PPP1CB: variants seen among roughly 807,000 people sequenced by gnomAD.
PPP1CB encodes serine/threonine-protein phosphatase PP1-beta catalytic subunit.
Under a neutral mutation model 43.7 loss-of-function variants are expected in PPP1CB, and 2 were observed. The observed-to-expected ratio is 0.05, with a 90% CI of 0.02 to 0.14. The LOEUF (loss-of-function observed/expected upper bound fraction) is 0.14, where lower values mean the gene tolerates loss of function less well. Ranked by LOEUF, PPP1CB falls within the 10% of genes least tolerant of loss-of-function variation. The probability of loss-of-function intolerance (pLI) is 1.00; values close to 1 mark genes in which losing one functional copy is unlikely to be tolerated. For synonymous variants in PPP1CB, 136 were observed against 135.6 expected (o/e 1.00, Z -0.02); for missense variants, 84 against 398.0 (o/e 0.21, Z 6.71).
chr2:28,760,001 C>T (rs1007342262), intron 1 of PPP1CB, among the ~76,000 whole-genome samples: 9 of 152,194 alleles, frequency 5.9e-5, no homozygotes, highest in East Asian at 1.9e-4. Context: ...AAAAAAGCTT[C>T]GTTATCCTGG....
chr2:28,778,672 T>G, intron 2 of PPP1CB, 137 bp from the exon 3 acceptor site: 1 of 610,584 alleles, frequency 1.6e-6, no homozygotes, highest in Non-Finnish European at 2.9e-6. Context: ...TTTCGCTTAT[T>G]AGAAGTAAGT....
intron 4 of PPP1CB, among the ~76,000 whole-genome samples, chr2:28,783,066 T>C (rs1667190065): frequency 6.6e-6 from 1 of 152,220 alleles, no homozygotes; most frequent in Non-Finnish European, 1.5e-5. Flanking sequence ...AAATAATAGC[T>C]TATATACCAC....
At position 28,802,678 on chromosome 2, in the gene PPP1CB, T is replaced by C. The variant is rs1667647242; in HGVS notation, c.*3375T>C. 1.3e-5 allele frequency: 2 copies of C among 152,234 alleles called. No individual in the cohort carries two copies. The allele number at this position is 152,234 out of a possible 1,614,324, so 9.4% of individuals were successfully genotyped here. ...TCTTAAAAGTGAAACTTAGATACAA[T>C]TGTGATTGGATACTTAGATACTAAG... On this transcript the variant is annotated 3_prime_UTR_variant, in exon 8 of 8. Coordinates refer to ENST00000395366, the MANE Select transcript of PPP1CB (RefSeq NM_002709.3).
chr2:28,796,687 G>C (rs1200103514), intron 7 of PPP1CB, among the ~76,000 whole-genome samples: 1 of 152,106 alleles, frequency 6.6e-6, no homozygotes, highest in East Asian at 1.9e-4. Context: ...CGGAGTCTAT[G>C]GGGTTTTCTG....
Position 28,802,104 on chromosome 2 carries a change from G to A in PPP1CB, c.*2801G>A, listed in dbSNP as rs1344757077. The A allele has an allele frequency of 6.6e-6, 1 of 152,088 alleles. No individual in the cohort carries two copies. The highest frequency in any genetic ancestry group is 1.5e-5 in the Non-Finnish European group (1 of 68,028). The allele number at this position is 152,088 out of a possible 1,614,324, so 9.4% of individuals were successfully genotyped here. The stretch of plus-strand genomic sequence containing the variant: ...AGAATTTTAAAGCTTAAAATAGGTG[G>A]TAAATTTGAAGTATGAGTGTGTTCA... On this transcript the variant is annotated 3_prime_UTR_variant, in exon 8 of 8. Coordinates refer to ENST00000395366, the MANE Select transcript of PPP1CB (RefSeq NM_002709.3).
At chr2:28,797,846 A>G (rs1210888370) in intron 7 of PPP1CB, among the ~76,000 whole-genome samples, 1 of 152,150 alleles carries the variant, frequency 6.6e-6, no homozygotes, top group Non-Finnish European at 1.5e-5. Flanking sequence ...ATTCTTGTTC[A>G]CTGAGTAAAA....
In PPP1CB at chr2:28,751,975, T is replaced by TG. The variant is rs1446012754; in HGVS notation, c.-144dup. On this transcript the variant is annotated 5_prime_UTR_variant, in exon 1 of 8. Transcript: ENST00000395366. ...CTCTCGCTACCCGGCGGGGAGGGGG[T>TG]GGGGGGAGGGCCCGGGAAAAGGGGG... 1.9e-6 allele frequency: 1 copy of TG among 534,258 alleles called. No individual in the cohort carries two copies. Among genetic ancestry groups the TG allele is most frequent in the Non-Finnish European group, 3.2e-6 (1 of 314,776 alleles). 33.1% of individuals were successfully genotyped at this position (534,258 alleles called of 1,614,324 possible). A position where few individuals can be genotyped will look rare whatever the true frequency, so the allele number is the denominator to read the frequency against.
At chr2:28,770,204 A>T (rs1666873885) in intron 1 of PPP1CB, among the ~76,000 whole-genome samples, 1 of 152,174 alleles carries the variant, frequency 6.6e-6, no homozygotes, top group Admixed American at 6.5e-5. Context: ...CAAAGGTTTC[A>T]GTGAGCTGAG....
In PPP1CB at chr2:28,799,924, A is replaced by T. The variant is rs1365250754; in HGVS notation, c.*621A>T. 6.6e-6 allele frequency: 1 copy of T among 152,510 alleles called. No homozygotes were observed. The highest frequency in any genetic ancestry group is 1.5e-5 in the Non-Finnish European group (1 of 67,962). 9.4% of individuals were successfully genotyped at this position (152,510 alleles called of 1,614,324 possible). ...TAAAAAAAAATACGCACATTGTCCAATCCAGTGATTTTAATCATACAGTTT... is the reference window on the plus strand; with the variant it reads ...TAAAAAAAAATACGCACATTGTCCATTCCAGTGATTTTAATCATACAGTTT... On this transcript the variant is annotated 3_prime_UTR_variant, in exon 8 of 8. Transcript: ENST00000395366.
rs765072682 is a variant in PPP1CB at position 28,783,979 on chromosome 2, G to GT, written c.592+2dup. On this transcript the variant is annotated splice_donor_variant, in intron 5 of 7. Transcript: ENST00000395366. LOFTEE classifies it high-confidence loss of function. ...AGACCTACTGATGTCCCTGATACAG[G>GT]TAAGTGTAGAGAGAAGTTTAATTGT... 6 of 1,601,038 alleles carry GT rather than the reference G, an allele frequency of 3.7e-6. No individual in the cohort carries two copies. Among genetic ancestry groups the GT allele is most frequent in the Non-Finnish European group, 5.1e-6 (6 of 1,168,632 alleles).
At chr2:28,763,298 C>CT (rs1056583475) in intron 1 of PPP1CB, among the ~76,000 whole-genome samples, 1 of 152,100 alleles carries the variant, frequency 6.6e-6, no homozygotes, top group African/African-American at 2.4e-5. Flanking sequence ...ATGAAGCTGC[C>CT]TTTTTTGTGT....
intron 4 of PPP1CB, chr2:28,782,918 T>G (rs1426580972): frequency 6.6e-6 from 1 of 152,256 alleles, no homozygotes; most frequent in South Asian, 2.1e-4. Flanking sequence ...AATTGAAATA[T>G]GTTTTCCAGT....
rs1488117478 is a variant in PPP1CB at position 28,752,187 on chromosome 2, G to A, written c.52+11G>A. On this transcript the variant is annotated intron_variant, in intron 1 of 7. Transcript: ENST00000395366. ...CCCGGCTGCTGGAGGGTGAGTGCGC[G>A]CCTGGCCGCGGGACAGAGGGAGGTC... 1.3e-6 allele frequency: 2 copies of A among 1,541,078 alleles called. No individual in the cohort carries two copies. Among genetic ancestry groups the A allele is most frequent in the Non-Finnish European group, 8.8e-7 (1 of 1,141,772 alleles).
intron 3 of PPP1CB, among the ~76,000 whole-genome samples, chr2:28,781,319 A>G (rs1667154265): frequency 2.0e-5 from 3 of 152,186 alleles, no homozygotes; most frequent in Non-Finnish European, 4.4e-5. Context: ...TAACATATGC[A>G]TTACCTCAAA....
At chr2:28,791,781 T>C (rs1363963833) in intron 6 of PPP1CB, among the ~76,000 whole-genome samples, 2 of 152,220 alleles carry the variant, frequency 1.3e-5, no homozygotes, top group Non-Finnish European at 2.9e-5. Flanking sequence ...CACTGGTCTT[T>C]TCAAAAATAA....
At chr2:28,753,348 A>G (rs1175047704) in intron 1 of PPP1CB, among the ~76,000 whole-genome samples, 3 of 152,186 alleles carry the variant, frequency 2.0e-5, no homozygotes, top group Non-Finnish European at 4.4e-5. Context: ...GGGGAGGGGT[A>G]ATTCCTTTTT....
chr2:28,751,706 G>A (rs1171803241), upstream of PPP1CB: 3 of 234,426 alleles, frequency 1.3e-5, no homozygotes, highest in Non-Finnish European at 2.5e-5. Flanking sequence ...CAGGCGTCGA[G>A]GGGAGCCTCG....
intron 1 of PPP1CB, 22 bp downstream of exon 1, chr2:28,752,198 G>A (rs1666314675): frequency 1.2e-5 from 18 of 1,530,498 alleles, no homozygotes; most frequent in Non-Finnish European, 1.5e-5. Flanking sequence ...CCTGGCCGCG[G>A]GACAGAGGGA....
upstream of PPP1CB, chr2:28,751,645 G>C: frequency 5.6e-6 from 1 of 179,548 alleles, no homozygotes. Flanking sequence ...CGACGCACCT[G>C]CGCGAAGACG....
Sources: gnomAD v4.1 joint callset for allele counts (sites outside exome capture counted in the v4.1 genomes callset) on GRCh38, gnomAD v4.1.1 for gene constraint, MANE v1.5 for transcripts, NCBI Gene and HGNC (gene_info 2026-07-23, HGNC 2026-07-21) for gene names.